DDX1: variants seen among roughly 807,000 people sequenced by gnomAD.
The protein encoded by DDX1 is ATP-dependent RNA helicase DDX1.
Under a neutral mutation model 108.7 loss-of-function variants are expected in DDX1, and 28 were observed. The ratio of observed to expected loss-of-function variants is 0.26; its 90% CI spans 0.19 to 0.35. The LOEUF is 0.35. DDX1 is among the 10% of genes least tolerant of loss of function. The pLI is 1.00. For synonymous variants in DDX1, 295 were observed against 288.9 expected (o/e 1.02, Z -0.21); for missense variants, 710 against 884.5 (o/e 0.80, Z 2.50).
Position 15,603,204 on chromosome 2 carries a change from A to T in DDX1, c.404A>T (p.Tyr135Phe), listed in dbSNP as rs192868487. 24 of 1,611,704 alleles carry T rather than the reference A, an allele frequency of 1.5e-5. No homozygotes were observed. In the East Asian group the frequency reaches 5.3e-4, roughly 36 times the overall value. Residue 135 changes from tyrosine (Y) to phenylalanine (F), a missense_variant, in exon 8 of 26, where the codon TAT becomes TTT. Around this residue, in one of 3 missense-constraint regions of DDX1, gnomAD observed 661 missense variants for 810.2 expected, o/e 0.82. Coordinates refer to ENST00000233084, the MANE Select transcript of DDX1 (RefSeq NM_004939.3). ...TTTACCCTTGTAGGGAAACACTACTATGAAGTATCCTGTCATGACCAAGGG... is the reference window on the plus strand; with the variant it reads ...TTTACCCTTGTAGGGAAACACTACTTTGAAGTATCCTGTCATGACCAAGGG... Reference protein sequence around the residue: ...TKGLMKGKHYYEVSCHDQGLC... With the variant: ...TKGLMKGKHYFEVSCHDQGLC...
intron 3 of DDX1, among the ~76,000 whole-genome samples, chr2:15,596,041 C>A (rs1298407973): frequency 1.3e-5 from 2 of 152,120 alleles, no homozygotes; most frequent in East Asian, 3.9e-4. Flanking sequence ...CACACCACCA[C>A]ATCCAGCTAA....
At chr2:15,604,988 G>A (rs1005520442) in intron 10 of DDX1, among the ~76,000 whole-genome samples, 1 of 152,186 alleles carries the variant, frequency 6.6e-6, no homozygotes, top group Non-Finnish European at 1.5e-5. Flanking sequence ...TCACAGCGAG[G>A]AAGCCACTAG....
chr2:15,618,305 T>G, intron 16 of DDX1, 35 bp downstream of exon 16: 2 of 1,077,320 alleles, frequency 1.9e-6, no homozygotes, highest in Non-Finnish European at 1.4e-6. Flanking sequence ...AAAATGCATG[T>G]AAACAATTGT....
chr2:15,610,833 C>G (rs1473323770), intron 13 of DDX1, among the ~76,000 whole-genome samples: 2 of 151,716 alleles, frequency 1.3e-5, no homozygotes, highest in South Asian at 4.2e-4. Context: ...GGGGATTTAA[C>G]TGCTTTGTTT....
At chr2:15,623,724 C>A (rs1319993047) in intron 19 of DDX1, 142 bp downstream of exon 19, 5 of 655,280 alleles carry the variant, frequency 7.6e-6, no homozygotes, top group Non-Finnish European at 1.3e-5. Context: ...TTATTCAGTA[C>A]TTTTCCATAT....
intron 20 of DDX1, among the ~76,000 whole-genome samples, chr2:15,628,185 A>T (rs1025463948): frequency 6.6e-6 from 1 of 152,210 alleles, no homozygotes; most frequent in African/African-American, 2.4e-5. Flanking sequence ...AAGTTTTAGC[A>T]ATAGTTTAAT....
chr2:15,617,432 C>A, intron 15 of DDX1, 90 bp downstream of exon 15: 1 of 623,266 alleles, frequency 1.6e-6, no homozygotes, highest in Non-Finnish European at 2.7e-6. Context: ...ATAATTCAGT[C>A]ATGATCCTAC....
Position 15,631,009 on chromosome 2 carries a change from G to A in DDX1, c.*103G>A, listed in dbSNP as rs1666186403. On this transcript the variant is annotated 3_prime_UTR_variant, in exon 26 of 26. Transcript: ENST00000233084. Reference sequence around the variant, plus strand: ...AGCAGCAGTATTTATAGTAACGTAAGCTATTAATGCTAACTCTTGCATGTC... The same window carrying A: ...AGCAGCAGTATTTATAGTAACGTAAACTATTAATGCTAACTCTTGCATGTC... 9.6e-7 allele frequency: 1 copy of A among 1,039,532 alleles called. No homozygotes were observed. Among genetic ancestry groups the A allele is most frequent in the African/African-American group, 1.6e-5 (1 of 62,806 alleles). The allele number at this position is 1,039,532 out of a possible 1,614,324, so 64.4% of individuals were successfully genotyped here.
Position 15,611,467 on chromosome 2 carries a change from A to G in DDX1, c.957-1757A>G, listed in dbSNP as rs1665753539. Among the ~76,000 whole-genome samples, 7 of 143,586 alleles carry G rather than the reference A, an allele frequency of 4.9e-5. No individual in the cohort carries two copies. The South Asian group carries it at 1.6e-3, about 33-fold the overall frequency. 94.2% of individuals were successfully genotyped at this position (143,586 alleles called of 152,430 possible). A position where few individuals can be genotyped will look rare whatever the true frequency, so the allele number is the denominator to read the frequency against. On this transcript the variant is annotated intron_variant, in intron 13 of 25. Transcript: ENST00000233084. ...CACCTCCCAGTAGGGACGGCCGGGC[A>G]GAGGCTCCCCCCACCTCCCGGACGG...
At chr2:15,630,708 C>T in intron 25 of DDX1, 68 bp from the exon 26 acceptor site, 1 of 1,535,386 alleles carries the variant, frequency 6.5e-7, no homozygotes, top group South Asian at 1.2e-5. Flanking sequence ...ATAATTGAGC[C>T]AAAGTATTGC....
intron 18 of DDX1, among the ~76,000 whole-genome samples, chr2:15,621,905 T>C (rs953504346): frequency 6.6e-6 from 1 of 152,152 alleles, no homozygotes; most frequent in Non-Finnish European, 1.5e-5. Flanking sequence ...CCACCCGCCT[T>C]GGCTTCACAA....
chr2:15,624,592 G>A (rs1029352894), intron 19 of DDX1, among the ~76,000 whole-genome samples: 1 of 152,156 alleles, frequency 6.6e-6, no homozygotes, highest in Non-Finnish European at 1.5e-5. Context: ...AGAACAGCAT[G>A]AGGATAACCA....
At chr2:15,618,129 G>A (rs957843313) in intron 15 of DDX1, 52 bp from the exon 16 acceptor site, 17 of 1,129,096 alleles carry the variant, frequency 1.5e-5, no homozygotes, top group South Asian at 3.3e-5. Flanking sequence ...TAAAACTTAC[G>A]TTTTTTTCCA....
chr2:15,621,248 TAAAA>T, intron 18 of DDX1, 132 bp downstream of exon 18: 2 of 655,050 alleles, frequency 3.1e-6, no homozygotes. Context: ...ACAAAAATAA[TAAAA>T]AAGAAATGGG....
intron 14 of DDX1, among the ~76,000 whole-genome samples, chr2:15,616,542 G>A (rs550323916): frequency 2.6e-5 from 4 of 152,186 alleles, no homozygotes; most frequent in Non-Finnish European, 5.9e-5. Context: ...TTCTATGTAT[G>A]TTTGAAAAGT....
intron 18 of DDX1, among the ~76,000 whole-genome samples, chr2:15,622,041 A>G (rs1020441935): frequency 1.3e-5 from 2 of 152,212 alleles, no homozygotes; most frequent in African/African-American, 2.4e-5. Flanking sequence ...TGAATTCCAT[A>G]AGAAATATCA....
chr2:15,623,907 A>G (rs1437707563), intron 19 of DDX1, among the ~76,000 whole-genome samples: 8 of 151,820 alleles, frequency 5.3e-5, no homozygotes, highest in Non-Finnish European at 8.8e-5. Context: ...TATGTCTTTT[A>G]AACCAGTAGA....
At chr2:15,607,532 T>A (rs1020083651) in intron 13 of DDX1, among the ~76,000 whole-genome samples, 3 of 152,060 alleles carry the variant, frequency 2.0e-5, no homozygotes, top group Admixed American at 2.0e-4. Context: ...TTTTTTCCTG[T>A]GTCTCTTACA....
At chr2:15,613,174 C>A (rs187904235) in intron 13 of DDX1, 50 bp from the exon 14 acceptor site, 3 of 1,239,956 alleles carry the variant, frequency 2.4e-6, no homozygotes, top group Admixed American at 4.6e-5. Flanking sequence ...CAATGTAAAG[C>A]AGACTTTAAT....
Sources: allele counts gnomAD v4.1 joint callset (sites outside exome capture counted in the v4.1 genomes callset), GRCh38; gene constraint gnomAD v4.1.1; regional missense constraint gnomAD v4.1.1; transcripts MANE v1.5; gene names NCBI Gene and HGNC (gene_info 2026-07-23, HGNC 2026-07-21).